The following TTC17 variants were observed in gnomAD, a reference collection of about 807,000 sequenced individuals.
TTC17 encodes tetratricopeptide repeat domain 17, also known as tetratricopeptide repeat protein 17.
TTC17 carries 58 observed loss-of-function variants against 143.8 expected under a neutral mutation model. The observed-to-expected ratio is 0.40, with a 90% CI of 0.33 to 0.50. TTC17 has a LOEUF of 0.50. Among genes scored for constraint, TTC17 ranks in the 20% least tolerant of loss-of-function variants. The pLI, the probability that TTC17 is intolerant of heterozygous loss-of-function variation, is 0.49. For missense variants in TTC17, 1,273 were observed against 1,392.5 expected, an observed-to-expected ratio of 0.91 and a Z score of 1.37; for synonymous variants, 501 against 497.8, an observed-to-expected ratio of 1.01 and a Z score of -0.09.
chr11:43,414,615 A>G lies in TTC17; in HGVS notation c.2090A>G (p.Asn697Ser), dbSNP rs1163336421. The G allele has an allele frequency of 1.9e-6, 3 of 1,605,970 alleles. No homozygotes were observed. Among genetic ancestry groups the G allele is most frequent in the South Asian group, 2.2e-5 (2 of 89,902 alleles). ...CCTCTGACCTTTTTGAGCCTGGGAA[A>G]TGCTTACCTTGCTCTGAAGAATATC... ...SEPLTFLSLG[N>S]AYLALKNISG... The change falls in exon 16 of 24, where the codon AAT becomes AGT. Residue 697 changes from asparagine (N) to serine (S), a missense_variant. Transcript: ENST00000039989.
chr11:43,427,030 A>G (rs1427991684), intron 16 of TTC17, among the ~76,000 whole-genome samples: 2 of 152,216 alleles, frequency 1.3e-5, no homozygotes, highest in African/African-American at 4.8e-5. Context: ...CTTACTACCT[A>G]AACCAAGTCT....
chr11:43,417,063 A>G (rs1946794813), intron 16 of TTC17, among the ~76,000 whole-genome samples: 1 of 152,220 alleles, frequency 6.6e-6, no homozygotes, highest in African/African-American at 2.4e-5. Context: ...ATTCATTAGT[A>G]GTAGTGAAAC....
At chr11:43,454,090 T>A (rs1947716529) in intron 21 of TTC17, among the ~76,000 whole-genome samples, 1 of 152,148 alleles carries the variant, frequency 6.6e-6, no homozygotes, top group Non-Finnish European at 1.5e-5. Context: ...AATGTAGGTA[T>A]AGTACAATTA....
chr11:43,407,616 T>C, intron 15 of TTC17, 39 bp downstream of exon 15: 2 of 1,534,276 alleles, frequency 1.3e-6, no homozygotes, highest in Non-Finnish European at 1.8e-6. Flanking sequence ...GTATACTATG[T>C]AGGGTAACTC....
At chr11:43,477,725 A>C (rs1948211218) in intron 21 of TTC17, among the ~76,000 whole-genome samples, 1 of 152,192 alleles carries the variant, frequency 6.6e-6, no homozygotes, top group Non-Finnish European at 1.5e-5. Flanking sequence ...GTGGGTGGGG[A>C]CACAGCCAAA....
chr11:43,492,674 C>T (rs1948495038), intron 23 of TTC17, among the ~76,000 whole-genome samples: 1 of 152,222 alleles, frequency 6.6e-6, no homozygotes, highest in Non-Finnish European at 1.5e-5. Flanking sequence ...CAGTGCCTCA[C>T]AGTGTTTTTG....
chr11:43,423,250 A>T (rs950658101), intron 16 of TTC17, among the ~76,000 whole-genome samples: 1 of 152,204 alleles, frequency 6.6e-6, no homozygotes, highest in African/African-American at 2.4e-5. Context: ...TTAACTAGAG[A>T]GGTTTCTAAC....
intron 2 of TTC17, among the ~76,000 whole-genome samples, chr11:43,386,781 T>G (rs72900916): frequency 0.095 from 14,442 of 151,846 alleles, 809 homozygotes; most frequent in Middle Eastern, 0.16. Flanking sequence ...ATGTATGTAT[T>G]TATTTATTTA....
At chr11:43,489,359 C>T (rs1275944491) in intron 21 of TTC17, among the ~76,000 whole-genome samples, 1 of 152,172 alleles carries the variant, frequency 6.6e-6, no homozygotes, top group African/African-American at 2.4e-5. Context: ...ATCAGATTGT[C>T]AGGGGCCTAA....
intron 16 of TTC17, among the ~76,000 whole-genome samples, chr11:43,432,784 C>T (rs760354421): frequency 6.6e-6 from 1 of 152,096 alleles, no homozygotes. Flanking sequence ...ACAAAGGCAA[C>T]TTTTTTTAGT....
chr11:43,388,525 C>T (rs548894304), intron 2 of TTC17, among the ~76,000 whole-genome samples: 95 of 150,850 alleles, frequency 6.3e-4, no homozygotes, highest in Non-Finnish European at 9.7e-4. Context: ...CCTTGAACTC[C>T]CTTTTTTTTT....
At chr11:43,367,976 ATAGT>A (rs1254897894) in intron 1 of TTC17, among the ~76,000 whole-genome samples, 1 of 152,206 alleles carries the variant, frequency 6.6e-6, no homozygotes, top group Non-Finnish European at 1.5e-5. Context: ...TGGCTGACAC[ATAGT>A]ATACACTGAG....
At chr11:43,492,252 C>G in intron 23 of TTC17, 89 bp downstream of exon 23, 1 of 1,476,014 alleles carries the variant, frequency 6.8e-7, no homozygotes, top group Non-Finnish European at 9.1e-7. Flanking sequence ...TGTCATTGCC[C>G]ACCAATTTCC....
intron 19 of TTC17, 27 bp downstream of exon 19, chr11:43,448,149 T>A (rs769344970): frequency 3.7e-6 from 6 of 1,612,768 alleles, no homozygotes; most frequent in Non-Finnish European, 5.1e-6. Flanking sequence ...TCTCCCTCCT[T>A]TATGGCATTT....
chr11:43,473,220 A>C (rs1432760242), intron 21 of TTC17, among the ~76,000 whole-genome samples: 1 of 152,102 alleles, frequency 6.6e-6, no homozygotes, highest in Non-Finnish European at 1.5e-5. Flanking sequence ...GGTAACATTA[A>C]GCACTACACC....
intron 2 of TTC17, among the ~76,000 whole-genome samples, chr11:43,384,436 G>T (rs1303550215): frequency 6.6e-6 from 1 of 152,208 alleles, no homozygotes; most frequent in Non-Finnish European, 1.5e-5. Context: ...CGGGCAGATT[G>T]CTTGAGCCCG....
Position 43,403,989 on chromosome 11 carries a change from A to G in TTC17, c.1333-9A>G, listed in dbSNP as rs1303292751. 2 of 1,573,980 alleles carry G rather than the reference A, an allele frequency of 1.3e-6. No homozygotes were observed. The highest frequency in any genetic ancestry group is 1.7e-6 in the Non-Finnish European group (2 of 1,160,414). ...TCAATTTGATTGAACTTTTTGTTTC[A>G]TTTTCTAGTTTGGTGAGGATTCATC... On this transcript the variant is annotated splice_polypyrimidine_tract_variant and intron_variant, in intron 10 of 23. Coordinates refer to ENST00000039989, the MANE Select transcript of TTC17 (RefSeq NM_018259.6).
intron 16 of TTC17, among the ~76,000 whole-genome samples, chr11:43,432,335 G>A (rs897767398): frequency 2.6e-5 from 4 of 152,150 alleles, no homozygotes; most frequent in African/African-American, 9.7e-5. Flanking sequence ...AGAAAAGAAT[G>A]TTAATATACT....
At position 43,473,825 on chromosome 11, in the gene TTC17, G is replaced by T. The variant is rs112485247; in HGVS notation, c.3031-16414G>T. Among the ~76,000 whole-genome samples the T allele has an allele frequency of 1.6e-3, 243 of 151,284 alleles. 1 individual carries two copies. The highest frequency in any genetic ancestry group is 5.7e-3 in the African/African-American group (233 of 41,206). On this transcript the variant is annotated intron_variant, in intron 21 of 23. Coordinates refer to ENST00000039989, the MANE Select transcript of TTC17 (RefSeq NM_018259.6). The stretch of plus-strand genomic sequence containing the variant: ...CTTGAACTGGGAGGCGGAGGTTTCA[G>T]TGAGCCAAGATTGCACCCCTGCACT...
Sources: gnomAD v4.1 joint callset for allele counts (sites outside exome capture counted in the v4.1 genomes callset) on GRCh38, gnomAD v4.1.1 for gene constraint, MANE v1.5 for transcripts, NCBI Gene and HGNC (gene_info 2026-07-23, HGNC 2026-07-21) for gene names.